Variants in PHIP observed in about 807,000 individuals in gnomAD.
PHIP encodes the protein PH-interacting protein.
PHIP carries 54 observed loss-of-function variants against 236.8 expected under a neutral mutation model. The ratio of observed to expected loss-of-function variants is 0.23; its 90% CI spans 0.18 to 0.29. The LOEUF (loss-of-function observed/expected upper bound fraction) is 0.29, where lower values mean the gene tolerates loss of function less well. Ranked by LOEUF, PHIP falls within the 10% of genes least tolerant of loss-of-function variation. The pLI, the probability that PHIP is intolerant of heterozygous loss-of-function variation, is 1.00. For synonymous variants in PHIP, 756 were observed against 718.9 expected, an observed-to-expected ratio of 1.05 and a Z score of -0.83; for missense variants, 1,370 against 2,190.8, an observed-to-expected ratio of 0.63 and a Z score of 7.48.
chr6:78,955,179 T>A, intron 34 of PHIP, 53 bp downstream of exon 34: 1 of 1,234,088 alleles, frequency 8.1e-7, no homozygotes, highest in Non-Finnish European at 1.2e-6. Flanking sequence ...AGAAAGCTCT[T>A]AATACATTTT....
At chr6:79,065,349 G>A (rs1013052422) in intron 4 of PHIP, among the ~76,000 whole-genome samples, 2 of 152,124 alleles carry the variant, frequency 1.3e-5, no homozygotes, top group Non-Finnish European at 1.5e-5. Flanking sequence ...GCCCAGAAAT[G>A]CATGTATGGT....
chr6:78,993,854 T>C (rs1447921120), intron 19 of PHIP, among the ~76,000 whole-genome samples: 1 of 152,252 alleles, frequency 6.6e-6, no homozygotes, highest in Admixed American at 6.5e-5. Context: ...AGTCTTTTTA[T>C]TTAAGAAATT....
chr6:78,968,226 A>G (rs2127703342), intron 27 of PHIP, among the ~76,000 whole-genome samples: 1 of 152,276 alleles, frequency 6.6e-6, no homozygotes, highest in African/African-American at 2.4e-5. Context: ...GCCAAAACCA[A>G]GAAAAATGTT....
At chr6:79,016,193 C>T (rs943433806) in intron 13 of PHIP, among the ~76,000 whole-genome samples, 2 of 151,906 alleles carry the variant, frequency 1.3e-5, no homozygotes, top group Non-Finnish European at 2.9e-5. Flanking sequence ...AGCTACAACA[C>T]GCAGTTTAAT....
intron 27 of PHIP, among the ~76,000 whole-genome samples, chr6:78,966,553 T>C (rs1319340236): frequency 1.3e-5 from 2 of 151,982 alleles, no homozygotes; most frequent in African/African-American, 2.4e-5. Flanking sequence ...CCCTTAATAC[T>C]CACTCACTCT....
intron 9 of PHIP, among the ~76,000 whole-genome samples, chr6:79,024,018 CT>C (rs1415878902): frequency 6.6e-6 from 1 of 152,184 alleles, no homozygotes; most frequent in Non-Finnish European, 1.5e-5. Flanking sequence ...AATATTTCAA[CT>C]TTTATCTATC....
At chr6:78,994,750 G>T (rs1769504053) in intron 19 of PHIP, among the ~76,000 whole-genome samples, 2 of 152,114 alleles carry the variant, frequency 1.3e-5, no homozygotes, top group South Asian at 4.1e-4. Context: ...GCCACTACAA[G>T]CTTCAGCAAC....
At chr6:78,976,561 A>C (rs1768081867) in intron 24 of PHIP, among the ~76,000 whole-genome samples, 2 of 130,300 alleles carry the variant, frequency 1.5e-5, no homozygotes, top group Admixed American at 8.1e-5. Context: ...TGCACAGCAA[A>C]AGAAACTACC....
chr6:78,955,751 C>G lies in PHIP; in HGVS notation c.3783-69G>C, dbSNP rs1043362657. 6 of 590,316 alleles carry G rather than the reference C, an allele frequency of 1.0e-5. No individual in the cohort carries two copies. The East Asian group carries it at 1.7e-4, about 17-fold the overall frequency. 36.6% of individuals were successfully genotyped at this position (590,316 alleles called of 1,614,324 possible). A position where few individuals can be genotyped will look rare whatever the true frequency, so the allele number is the denominator to read the frequency against. On this transcript the variant is annotated intron_variant, in intron 32 of 39. Coordinates refer to ENST00000275034, the MANE Select transcript of PHIP (RefSeq NM_017934.7). ...TAATTTTTTTCCTTAAAAATTTGTT[C>G]GTAAAACCATATTTTAAGGTAAAAG...
intron 29 of PHIP, 75 bp from the exon 30 acceptor site, chr6:78,963,327 T>C: frequency 1.7e-6 from 2 of 1,147,106 alleles, no homozygotes; most frequent in Non-Finnish European, 1.2e-6. Flanking sequence ...AATGTAAAAA[T>C]AACAGTCACA....
rs187694529 is a variant in PHIP, at chr6:78,949,168, G to A, written c.4054-1393C>T. 6.4e-4 allele frequency among the ~76,000 whole-genome samples: 97 copies of A among 152,180 alleles called. 1 individual carries two copies. The South Asian group carries it at 8.1e-3, about 13-fold the overall frequency. On this transcript the variant is annotated intron_variant, in intron 35 of 39. Transcript: ENST00000275034. ...TATCAAGTTGTGGAAGTTTTCCTTT[G>A]TTCCCGGTTTTCTTAGGGGTTTTAT...
intron 39 of PHIP, among the ~76,000 whole-genome samples, chr6:78,942,408 A>G (rs1035385503): frequency 1.3e-5 from 2 of 152,162 alleles, no homozygotes; most frequent in Non-Finnish European, 2.9e-5. Flanking sequence ...CTTTGAACCC[A>G]GGAGGCGGAG....
intron 6 of PHIP, among the ~76,000 whole-genome samples, chr6:79,053,403 G>A (rs775613375): frequency 3.3e-5 from 5 of 152,118 alleles, no homozygotes; most frequent in Admixed American, 2.0e-4. Context: ...AAATTCAAAG[G>A]TATTTTATAC....
chr6:79,049,382 A>C (rs1389104022), intron 6 of PHIP, among the ~76,000 whole-genome samples: 3 of 152,160 alleles, frequency 2.0e-5, no homozygotes, highest in African/African-American at 7.2e-5. Context: ...TTATTCTGTG[A>C]TTCTAATTAA....
At chr6:78,972,558 C>A (rs763444255) in intron 24 of PHIP, among the ~76,000 whole-genome samples, 1 of 152,120 alleles carries the variant, frequency 6.6e-6, no homozygotes, top group Non-Finnish European at 1.5e-5. Flanking sequence ...GAGAAGAAGG[C>A]TTCAGACGAT....
At chr6:78,962,502 C>G (rs560204582) in intron 30 of PHIP, among the ~76,000 whole-genome samples, 1 of 152,080 alleles carries the variant, frequency 6.6e-6, no homozygotes. Flanking sequence ...GTCCATCCAG[C>G]TCTTCTTACT....
chr6:78,942,561 G>A (rs1445401098), intron 39 of PHIP, among the ~76,000 whole-genome samples: 1 of 152,128 alleles, frequency 6.6e-6, no homozygotes, highest in African/African-American at 2.4e-5. Context: ...GACAGAAAAT[G>A]CAAAGCTTTT....
intron 35 of PHIP, among the ~76,000 whole-genome samples, chr6:78,954,505 A>G (rs1246863510): frequency 1.3e-5 from 2 of 152,116 alleles, no homozygotes; most frequent in African/African-American, 4.8e-5. Flanking sequence ...AAATTCATGG[A>G]ATCAGTGTAG....
intron 15 of PHIP, among the ~76,000 whole-genome samples, chr6:79,006,933 AG>A (rs1770321788): frequency 6.6e-6 from 1 of 152,044 alleles, no homozygotes; most frequent in Non-Finnish European, 1.5e-5. Flanking sequence ...AAAGAATAAG[AG>A]GAGTAAAAAG....
Sources: allele counts gnomAD v4.1 joint callset (sites outside exome capture counted in the v4.1 genomes callset), GRCh38; gene constraint gnomAD v4.1.1; transcripts MANE v1.5; gene names NCBI Gene and HGNC (gene_info 2026-07-23, HGNC 2026-07-21).